The following GFM2 variants were observed in gnomAD, a reference collection of about 807,000 sequenced individuals.
The protein encoded by GFM2 is ribosome-releasing factor 2, mitochondrial.
In GFM2, 72 loss-of-function variants were observed where a neutral mutation model predicts 95.4. The ratio of observed to expected loss-of-function variants is 0.76; its 90% CI spans 0.62 to 0.92. The LOEUF is 0.92. Ranked by LOEUF, GFM2 falls within the 40% of genes least tolerant of loss-of-function variation. GFM2 has a pLI of 0.00. For synonymous variants in GFM2, 276 were observed against 317.5 expected, an observed-to-expected ratio of 0.87 and a Z score of 1.39; for missense variants, 825 against 924.1, an observed-to-expected ratio of 0.89 and a Z score of 1.39.
chr5:74,723,738 A>G (rs903273900), intron 19 of GFM2, among the ~76,000 whole-genome samples: 1 of 152,140 alleles, frequency 6.6e-6, no homozygotes, highest in Non-Finnish European at 1.5e-5. Flanking sequence ...ACTACAGTTA[A>G]AAGGACTCTT....
At chr5:74,757,645 C>G (rs1046132270) in intron 5 of GFM2, among the ~76,000 whole-genome samples, 10 of 146,068 alleles carry the variant, frequency 6.8e-5, no homozygotes, top group Non-Finnish European at 1.0e-4. Flanking sequence ...AGGAGGATCT[C>G]TTGTGCCCAA....
intron 10 of GFM2, among the ~76,000 whole-genome samples, chr5:74,744,145 T>C (rs1176699123): frequency 3.9e-5 from 6 of 152,184 alleles, no homozygotes; most frequent in Non-Finnish European, 8.8e-5. Flanking sequence ...AGCCTGCTTT[T>C]ACACCAAGGC....
chr5:74,722,649 C>T (rs954683301), intron 19 of GFM2, 88 bp from the exon 20 acceptor site: 20 of 996,162 alleles, frequency 2.0e-5, no homozygotes, highest in Non-Finnish European at 2.5e-5. Flanking sequence ...AAGACATAAG[C>T]TTGCTTTAAC....
intron 14 of GFM2, among the ~76,000 whole-genome samples, chr5:74,737,501 CT>C (rs1368129159): frequency 2.6e-5 from 4 of 152,158 alleles, no homozygotes; most frequent in African/African-American, 9.7e-5. Flanking sequence ...CAGTTTCCTT[CT>C]CTGTAAAAAC....
Position 74,738,575 on chromosome 5 carries a change from G to A in GFM2, c.1147C>T (p.Leu383=), listed in dbSNP as rs199681606. The stretch of plus-strand genomic sequence containing the variant: ...CCTGAGTAAATGCGCATAAAAACCA[G>A]TGGTCCTCGCTGCTTGTCATGGAGA... ...KVLHDKQRGP[L]VFMRIYSGTI... Residue 383 remains leucine, a synonymous_variant, in exon 13 of 21, where the codon CTG becomes TTG. Transcript: ENST00000296805. The A allele has an allele frequency of 1.9e-6, 3 of 1,613,726 alleles. No individual in the cohort carries two copies. Among genetic ancestry groups the A allele is most frequent in the Non-Finnish European group, 2.5e-6 (3 of 1,179,716 alleles).
At position 74,724,820 on chromosome 5, in the gene GFM2, A is replaced by C. The variant is rs1217743663; in HGVS notation, c.2028+820T>G. 2.6e-5 allele frequency among the ~76,000 whole-genome samples: 4 copies of C among 152,182 alleles called. No individual in the cohort carries two copies. In the South Asian group the frequency reaches 6.2e-4, roughly 24 times the overall value. On this transcript the variant is annotated intron_variant, in intron 19 of 20. Transcript: ENST00000296805. ...ATAAATAATGCAAAAGCAATCACCT[A>C]AGAAATTAGGGTAGTTCAATGCTGA...
At chr5:74,736,636 A>C in intron 15 of GFM2, 160 bp downstream of exon 15, 4 of 1,443,564 alleles carry the variant, frequency 2.8e-6, no homozygotes, top group Non-Finnish European at 3.6e-6. Flanking sequence ...TGTAAAAATC[A>C]AAACATCTTA....
intron 7 of GFM2, among the ~76,000 whole-genome samples, chr5:74,748,689 ACT>A (rs1743515690): frequency 6.6e-6 from 1 of 151,638 alleles, no homozygotes; most frequent in Non-Finnish European, 1.5e-5. Context: ...ACATGGTGAA[ACT>A]CTGTCTCTAC....
chr5:74,743,342 T>C (rs1316119622), intron 10 of GFM2, among the ~76,000 whole-genome samples: 14 of 152,312 alleles, frequency 9.2e-5, no homozygotes, highest in Non-Finnish European at 1.9e-4. Flanking sequence ...TTGTTTTCCA[T>C]AGTGGCCGCA....
chr5:74,752,620 A>G (rs1276663432), intron 5 of GFM2, among the ~76,000 whole-genome samples: 1 of 152,236 alleles, frequency 6.6e-6, no homozygotes, highest in East Asian at 1.9e-4. Flanking sequence ...TAAGTTTTAA[A>G]AACACTTACA....
At chr5:74,748,592 C>T (rs1159949105) in intron 7 of GFM2, among the ~76,000 whole-genome samples, 6 of 152,114 alleles carry the variant, frequency 3.9e-5, no homozygotes, top group East Asian at 1.9e-4. Flanking sequence ...TCCACCAGTG[C>T]GGTGGCTCAC....
chr5:74,764,157 T>G (rs936606036), intron 1 of GFM2, among the ~76,000 whole-genome samples: 3 of 152,228 alleles, frequency 2.0e-5, no homozygotes, highest in Admixed American at 6.5e-5. Flanking sequence ...GGCAGTAAAA[T>G]TTATTGATTC....
chr5:74,736,638 A>T (rs772510969), intron 15 of GFM2, 158 bp downstream of exon 15: 20 of 1,445,590 alleles, frequency 1.4e-5, no homozygotes, highest in Non-Finnish European at 1.7e-5. Flanking sequence ...TAAAAATCAA[A>T]ACATCTTAAA....
chr5:74,724,487 A>C (rs1750059723), intron 19 of GFM2, among the ~76,000 whole-genome samples: 2 of 152,010 alleles, frequency 1.3e-5, no homozygotes. Context: ...AAAAAAAAAA[A>C]AACAATTTAA....
intron 5 of GFM2, among the ~76,000 whole-genome samples, chr5:74,756,119 T>C (rs527912879): frequency 3.9e-5 from 6 of 152,124 alleles, no homozygotes; most frequent in Admixed American, 2.0e-4. Flanking sequence ...CACATGATCA[T>C]CTCAATAGAC....
At chr5:74,763,411 C>A (rs1744383403) in intron 2 of GFM2, among the ~76,000 whole-genome samples, 1 of 152,194 alleles carries the variant, frequency 6.6e-6, no homozygotes, top group Non-Finnish European at 1.5e-5. Context: ...TAAAACCCTA[C>A]CCCTCCTTCA....
chr5:74,731,894 A>T (rs893402175), intron 16 of GFM2, among the ~76,000 whole-genome samples: 1 of 151,612 alleles, frequency 6.6e-6, no homozygotes, highest in Non-Finnish European at 1.5e-5. Context: ...TTTACTTGGT[A>T]GATTTGTGTA....
rs752822120 is a variant in GFM2 at position 74,758,960 on chromosome 5, A to G, written c.207-14T>C. 6.5e-7 allele frequency: 1 copy of G among 1,528,298 alleles called. No individual in the cohort carries two copies. The highest frequency in any genetic ancestry group is 1.7e-5 in the Admixed American group (1 of 59,266). 94.7% of individuals were successfully genotyped at this position (1,528,298 alleles called of 1,614,324 possible). A position where few individuals can be genotyped will look rare whatever the true frequency, so the allele number is the denominator to read the frequency against. On this transcript the variant is annotated splice_polypyrimidine_tract_variant and intron_variant, in intron 4 of 20. Transcript: ENST00000296805. ...ATATTACGGATTCTGTTTAAAAGGA[A>G]AAAATAAGGTAAACTTTACTAAAAT...
In GFM2 at chr5:74,736,967, TG is replaced by T; in HGVS notation, c.1338del (p.Ile447LeufsTer9). On this transcript the variant is annotated frameshift_variant, in exon 15 of 21. Transcript: ENST00000296805. LOFTEE classifies it high-confidence loss of function. ...AATGCACTGGACTTGGATGAGACAA[TG>T]GTGTCTCCAGTGGCAGTCTGCAAGC... ...VGLKHTATGD[T>X]IVSSKSSALA... 1 of 1,613,460 alleles carries T rather than the reference TG, an allele frequency of 6.2e-7. No individual in the cohort carries two copies. The highest frequency in any genetic ancestry group is 8.5e-7 in the Non-Finnish European group (1 of 1,179,664).
Sources: gnomAD v4.1 joint callset for allele counts (sites outside exome capture counted in the v4.1 genomes callset) on GRCh38, gnomAD v4.1.1 for gene constraint, MANE v1.5 for transcripts, NCBI Gene and HGNC (gene_info 2026-07-23, HGNC 2026-07-21) for gene names.